Variants in TM4SF18 observed in about 807,000 individuals in gnomAD.
TM4SF18 encodes transmembrane 4 L6 family member 18.
Under a neutral mutation model 23.8 loss-of-function variants are expected in TM4SF18, and 22 were observed. The observed-to-expected ratio is 0.92, with a 90% CI of 0.66 to 1.32. TM4SF18 has a LOEUF of 1.32. TM4SF18 is among the 40% of genes most tolerant of loss of function. The pLI is 0.00. For synonymous variants in TM4SF18, 87 were observed against 87.9 expected (o/e 0.99, Z 0.06); for missense variants, 255 against 240.3 (o/e 1.06, Z -0.41).
At chr3:149,333,183 C>G in intron 2 of TM4SF18, 23 bp downstream of exon 2, 1 of 1,595,178 alleles carries the variant, frequency 6.3e-7, no homozygotes, top group Admixed American at 1.7e-5. Context: ...CCTTCTCTCC[C>G]AAGTCTCCAA....
intron 3 of TM4SF18, among the ~76,000 whole-genome samples, chr3:149,326,026 A>G (rs1009468008): frequency 4.6e-5 from 7 of 152,196 alleles, no homozygotes; most frequent in Admixed American, 6.5e-5. Context: ...TGTATTTATT[A>G]TGTGTTTTTG....
Position 149,330,356 on chromosome 3 carries a change from T to G in TM4SF18, c.241A>C (p.Ser81Arg). 1.2e-6 allele frequency: 2 copies of G among 1,612,888 alleles called. No individual in the cohort carries two copies. Among genetic ancestry groups the G allele is most frequent in the Non-Finnish European group, 1.7e-6 (2 of 1,179,216 alleles). ...ENNNNYKCCQ[S>R]ENCSKKYVTL... ...ACATATTTTTTGCTGCAGTTTTCAC[T>G]CTGGCAACATTTATAGTTGTTATTA... The change falls in exon 3 of 6, where the codon AGT (serine) becomes CGT (arginine). Residue 81 changes from serine to arginine, a missense_variant. By Grantham distance (110) the Ser-to-Arg change is moderately radical. Coordinates refer to ENST00000296059, the MANE Select transcript of TM4SF18 (RefSeq NM_138786.4).
rs1258718800 is a variant in TM4SF18, at chr3:149,330,325, C to T, written c.267+5G>A. ...AACCATCCTCAAAAAAACTGTTGCT[C>T]TTACCACATATTTTTTGCTGCAGTT... On this transcript the variant is annotated splice_donor_5th_base_variant and intron_variant, in intron 3 of 5. Coordinates refer to ENST00000296059, the MANE Select transcript of TM4SF18 (RefSeq NM_138786.4). The T allele has an allele frequency of 3.1e-6, 5 of 1,606,152 alleles. No individual in the cohort carries two copies. Among genetic ancestry groups the T allele is most frequent in the Non-Finnish European group, 4.3e-6 (5 of 1,174,504 alleles).
intron 2 of TM4SF18, among the ~76,000 whole-genome samples, chr3:149,332,835 C>T (rs921832617): frequency 2.6e-5 from 4 of 152,066 alleles, no homozygotes; most frequent in Non-Finnish European, 5.9e-5. Flanking sequence ...AATGCCCCTT[C>T]AAGCTAGAAA....
chr3:149,332,101 A>T (rs560896002), intron 2 of TM4SF18, among the ~76,000 whole-genome samples: 1 of 152,196 alleles, frequency 6.6e-6, no homozygotes, highest in Non-Finnish European at 1.5e-5. Flanking sequence ...TTGATATATT[A>T]TACCAAACTC....
At chr3:149,324,017 A>T (rs956226608) in intron 4 of TM4SF18, among the ~76,000 whole-genome samples, 2 of 152,238 alleles carry the variant, frequency 1.3e-5, no homozygotes, top group African/African-American at 4.8e-5. Context: ...CCTCAGATGG[A>T]CATGGGCCTT....
At chr3:149,330,259 T>C in intron 3 of TM4SF18, 71 bp downstream of exon 3, 1 of 988,192 alleles carries the variant, frequency 1.0e-6, no homozygotes. Context: ...GTCAATATTT[T>C]TGTGTTTCTG....
chr3:149,322,405 A>G lies in TM4SF18; in HGVS notation c.442T>C (p.Cys148Arg). 6.2e-7 allele frequency: 1 copy of G among 1,614,082 alleles called. No individual in the cohort carries two copies. Among genetic ancestry groups the G allele is most frequent in the South Asian group, 1.1e-5 (1 of 91,032 alleles). The change falls in exon 5 of 6, where the codon TGC (cysteine) becomes CGC (arginine). Residue 148 changes from cysteine to arginine, a missense_variant. By Grantham distance (180) the Cys-to-Arg change is radical. Coordinates refer to ENST00000296059, the MANE Select transcript of TM4SF18 (RefSeq NM_138786.4). ...TCCACAACATGTGCAGGTTCCAGGCACTGAATCCATATGCTAGAATCTGTA... is the reference window on the plus strand; with the variant it reads ...TCCACAACATGTGCAGGTTCCAGGCGCTGAATCCATATGCTAGAATCTGTA... ...FLTDSSIWIQ[C>R]LEPAHVVEWN...
rs749706807 is a variant in TM4SF18, at chr3:149,319,189, G to T, written c.*2289C>A. 7 of 152,222 alleles carry T rather than the reference G, an allele frequency of 4.6e-5. No individual in the cohort carries two copies. The highest frequency in any genetic ancestry group is 7.2e-5 in the African/African-American group (3 of 41,460). 9.4% of individuals were successfully genotyped at this position (152,222 alleles called of 1,614,324 possible). A position where few individuals can be genotyped will look rare whatever the true frequency, so the allele number is the denominator to read the frequency against. On this transcript the variant is annotated 3_prime_UTR_variant, in exon 6 of 6. Transcript: ENST00000296059. ...TAAACAAGAGATAGACAGTCTGAAAGTATATAACAAACTGATGAAGTGGAC... is the reference window on the plus strand; with the variant it reads ...TAAACAAGAGATAGACAGTCTGAAATTATATAACAAACTGATGAAGTGGAC...
chr3:149,319,179 C>G lies in TM4SF18; in HGVS notation c.*2299G>C, dbSNP rs1194228780. 6.6e-6 allele frequency: 1 copy of G among 152,134 alleles called. No homozygotes were observed. Among genetic ancestry groups the G allele is most frequent in the African/African-American group, 2.4e-5 (1 of 41,434 alleles). 9.4% of individuals were successfully genotyped at this position (152,134 alleles called of 1,614,324 possible). A position where few individuals can be genotyped will look rare whatever the true frequency, so the allele number is the denominator to read the frequency against. On this transcript the variant is annotated 3_prime_UTR_variant, in exon 6 of 6. Transcript: ENST00000296059. ...ATGCTGAATCTAAACAAGAGATAGA[C>G]AGTCTGAAAGTATATAACAAACTGA...
intron 3 of TM4SF18, chr3:149,330,065 T>C (rs559383686): frequency 4.1e-6 from 1 of 246,350 alleles, no homozygotes; most frequent in East Asian, 7.6e-5. Context: ...AAAAATAGAC[T>C]AATGGAAACT....
chr3:149,322,905 C>CTTTTTTTTTTTTTTTTT (rs34338382), intron 4 of TM4SF18, among the ~76,000 whole-genome samples: 16 of 128,764 alleles, frequency 1.2e-4, no homozygotes, highest in African/African-American at 3.1e-4. Flanking sequence ...GGCCTCCAGA[C>CTTTTTTTTTTTTTTTTT]TTTTTTTTTT....
chr3:149,323,100 G>T (rs750251092), intron 4 of TM4SF18, among the ~76,000 whole-genome samples: 2 of 151,852 alleles, frequency 1.3e-5, no homozygotes, highest in African/African-American at 2.4e-5. Context: ...GGGTTTCACC[G>T]TGTGAGCCAG....
intron 3 of TM4SF18, 41 bp from the exon 4 acceptor site, chr3:149,325,063 G>A (rs752749605): frequency 1.7e-5 from 27 of 1,592,778 alleles, no homozygotes; most frequent in African/African-American, 1.4e-4. Flanking sequence ...CATAGAATGC[G>A]ACAAGGGGAT....
At chr3:149,333,482 C>CTCTCTTTTTTT in intron 1 of TM4SF18, 31 bp downstream of exon 1, 1 of 235,254 alleles carries the variant, frequency 4.3e-6, no homozygotes. Flanking sequence ...CTCTCTCTCT[C>CTCTCTTTTTTT]TTTTTTTTTT....
intron 3 of TM4SF18, among the ~76,000 whole-genome samples, chr3:149,329,191 C>T (rs893001005): frequency 7.3e-5 from 11 of 151,336 alleles, no homozygotes; most frequent in Admixed American, 4.6e-4. Context: ...CACACACACA[C>T]ACACACGAGT....
chr3:149,327,157 C>A (rs917610875), intron 3 of TM4SF18, among the ~76,000 whole-genome samples: 3 of 152,194 alleles, frequency 2.0e-5, no homozygotes, highest in African/African-American at 7.2e-5. Context: ...ACCATGTTGG[C>A]CAGGCTGCTC....
chr3:149,321,442 G>A lies in TM4SF18; in HGVS notation c.*36C>T. 1 of 1,495,058 alleles carries A rather than the reference G, an allele frequency of 6.7e-7. No individual in the cohort carries two copies. Among genetic ancestry groups the A allele is most frequent in the East Asian group, 2.3e-5 (1 of 43,120 alleles). 92.6% of individuals were successfully genotyped at this position (1,495,058 alleles called of 1,614,324 possible). ...AGTTGATATAATATTTAGATAGATG[G>A]CCATGTCTTGATAATGGAAAACATT... On this transcript the variant is annotated 3_prime_UTR_variant, in exon 6 of 6. Transcript: ENST00000296059.
Position 149,318,949 on chromosome 3 carries a change from G to A in TM4SF18, c.*2529C>T, listed in dbSNP as rs2108357524. 1 of 152,078 alleles carries A rather than the reference G, an allele frequency of 6.6e-6. No individual in the cohort carries two copies. Among genetic ancestry groups the A allele is most frequent in the South Asian group, 2.1e-4 (1 of 4,816 alleles). 9.4% of individuals were successfully genotyped at this position (152,078 alleles called of 1,614,324 possible). ...CACGAGGATATAAAACACATATTCA[G>A]CTTTTTTTGTATTCAGCTTTTTTTT... On this transcript the variant is annotated 3_prime_UTR_variant, in exon 6 of 6. Coordinates refer to ENST00000296059, the MANE Select transcript of TM4SF18 (RefSeq NM_138786.4).
Sources: gnomAD v4.1 joint callset for allele counts (sites outside exome capture counted in the v4.1 genomes callset) on GRCh38, gnomAD v4.1.1 for gene constraint, MANE v1.5 for transcripts, NCBI Gene and HGNC (gene_info 2026-07-23, HGNC 2026-07-21) for gene names.